Variants in ZNF92 observed in about 807,000 individuals in gnomAD.
The protein encoded by ZNF92 is epididymis luminal protein 203.
ZNF92 carries 11 observed loss-of-function variants against 12.4 expected under a neutral mutation model. The observed-to-expected ratio is 0.89, with a 90% CI of 0.56 to 1.47. ZNF92 has a LOEUF of 1.47. Among genes scored for constraint, ZNF92 ranks in the 40% most tolerant of loss-of-function variants. The pLI, the probability that ZNF92 is intolerant of heterozygous loss-of-function variation, is 0.00. For synonymous variants in ZNF92, 206 were observed against 228.6 expected (o/e 0.90, Z 0.89); for missense variants, 622 against 681.0 (o/e 0.91, Z 0.96).
At position 65,398,931 on chromosome 7, in the gene ZNF92, A is replaced by C. The variant is rs755015455; in HGVS notation, c.817A>C (p.Thr273Pro). Residue 273 changes from threonine to proline, a missense_variant, in exon 4 of 4, where the codon ACT becomes CCT. Physicochemically the swap from Thr to Pro is conservative, Grantham distance 38 (BLOSUM62 -1). Transcript: ENST00000328747. ...GKAFNRSSTL[T>P]KHKRIHTEEK... ...AGCTTTTAACCGGTCCTCAACCCTT[A>C]CTAAACATAAAAGAATTCATACAGA... 1 of 1,613,454 alleles carries C rather than the reference A, an allele frequency of 6.2e-7. No homozygotes were observed. The highest frequency in any genetic ancestry group is 8.5e-7 in the Non-Finnish European group (1 of 1,179,780).
intron 1 of ZNF92, among the ~76,000 whole-genome samples, chr7:65,376,008 G>A (rs1793227013): frequency 6.6e-6 from 1 of 151,568 alleles, no homozygotes; most frequent in South Asian, 2.1e-4. Flanking sequence ...TGCCTTCTGG[G>A]TTCAAGAGAT....
At chr7:65,393,511 A>G (rs2116391581) in intron 3 of ZNF92, among the ~76,000 whole-genome samples, 1 of 152,262 alleles carries the variant, frequency 6.6e-6, no homozygotes, top group African/African-American at 2.4e-5. Flanking sequence ...CATAGTTTGG[A>G]TATAGATTCA....
chr7:65,388,962 C>A lies in ZNF92; in HGVS notation c.226+61C>A, dbSNP rs1351017124. 9 of 1,395,864 alleles carry A rather than the reference C, an allele frequency of 6.4e-6. No individual in the cohort carries two copies. In the South Asian group the frequency reaches 8.2e-5, roughly 13 times the overall value. 86.5% of individuals were successfully genotyped at this position (1,395,864 alleles called of 1,614,324 possible). ...AGAGGTCCAAAAGTCAAGGAGAAGG[C>A]CAGTCATTTTTTCTTAGTCGGAGTT... On this transcript the variant is annotated intron_variant, in intron 3 of 3. Coordinates refer to ENST00000328747, the MANE Select transcript of ZNF92 (RefSeq NM_152626.4).
intron 1 of ZNF92, among the ~76,000 whole-genome samples, chr7:65,376,333 G>A (rs1045884230): frequency 3.9e-5 from 6 of 152,036 alleles, no homozygotes; most frequent in African/African-American, 1.4e-4. Context: ...ATTTACAAAG[G>A]GCATAAAAGA....
intron 1 of ZNF92, among the ~76,000 whole-genome samples, chr7:65,385,848 A>C (rs1793546392): frequency 6.6e-6 from 1 of 151,894 alleles, no homozygotes; most frequent in African/African-American, 2.4e-5. Flanking sequence ...AAGAGGAAAA[A>C]ATGGCTATTT....
rs1195167112 is a variant in ZNF92 at position 65,399,132 on chromosome 7, C to T, written c.1018C>T (p.Pro340Ser). 6.2e-7 allele frequency: 1 copy of T among 1,612,544 alleles called. No individual in the cohort carries two copies. Among genetic ancestry groups the T allele is most frequent in the Non-Finnish European group, 8.5e-7 (1 of 1,179,438 alleles). Residue 340 changes from proline to serine, a missense_variant, in exon 4 of 4, where the codon CCA becomes TCA. By Grantham distance (74) the Pro-to-Ser change is moderately conservative. Coordinates refer to ENST00000328747, the MANE Select transcript of ZNF92 (RefSeq NM_152626.4). ...TAAGATAATCCATACTGGGGAAAAA[C>T]CATACAAATGTGAAGAATGTGGCAA... ...KHKIIHTGEK[P>S]YKCEECGKAF...
intron 3 of ZNF92, among the ~76,000 whole-genome samples, chr7:65,394,514 A>G (rs1192604963): frequency 6.6e-6 from 1 of 152,032 alleles, no homozygotes; most frequent in Non-Finnish European, 1.5e-5. Flanking sequence ...GGGTGTTTGG[A>G]TAGTTATAGA....
intron 3 of ZNF92, among the ~76,000 whole-genome samples, chr7:65,390,933 A>T (rs62469476): frequency 0.037 from 5,642 of 152,152 alleles, 183 homozygotes; most frequent in East Asian, 0.15. Context: ...GAAGTTTGGG[A>T]TGGTTGCAGA....
intron 1 of ZNF92, among the ~76,000 whole-genome samples, chr7:65,379,321 A>G (rs1793339300): frequency 6.6e-6 from 1 of 152,100 alleles, no homozygotes; most frequent in Non-Finnish European, 1.5e-5. Flanking sequence ...TCACCAATCT[A>G]CAGATCTGGG....
chr7:65,387,565 A>G (rs1323815461), intron 1 of ZNF92, among the ~76,000 whole-genome samples: 1 of 152,128 alleles, frequency 6.6e-6, no homozygotes, highest in Admixed American at 6.6e-5. Context: ...AAAATTTGAG[A>G]GGTCACTTCT....
At chr7:65,383,463 A>AT (rs923878064) in intron 1 of ZNF92, among the ~76,000 whole-genome samples, 10 of 152,238 alleles carry the variant, frequency 6.6e-5, no homozygotes, top group African/African-American at 2.2e-4. Flanking sequence ...CATTCTCTGC[A>AT]TTGTGAGATG....
Position 65,373,932 on chromosome 7 carries a change from A to G in ZNF92, c.-66A>G. On this transcript the variant is annotated 5_prime_UTR_variant, in exon 1 of 4. Coordinates refer to ENST00000328747, the MANE Select transcript of ZNF92 (RefSeq NM_152626.4). ...GTGCTGATAAAGGCTCGCCGCTGTGACCCTGTTACCTGCAAGAACTTGGAG... is the reference window on the plus strand; with the variant it reads ...GTGCTGATAAAGGCTCGCCGCTGTGGCCCTGTTACCTGCAAGAACTTGGAG... 6.2e-7 allele frequency: 1 copy of G among 1,611,178 alleles called. No individual in the cohort carries two copies. Among genetic ancestry groups the G allele is most frequent in the Non-Finnish European group, 8.5e-7 (1 of 1,177,460 alleles).
Position 65,399,698 on chromosome 7 carries a change from G to C in ZNF92, c.1584G>C (p.Lys528Asn), listed in dbSNP as rs146394006. 1.2e-6 allele frequency: 2 copies of C among 1,613,014 alleles called. No individual in the cohort carries two copies. The highest frequency in any genetic ancestry group is 2.7e-5 in the African/African-American group (2 of 74,842). Residue 528 changes from lysine to asparagine, a missense_variant, in exon 4 of 4, where the codon AAG becomes AAC. Physicochemically the swap from Lys to Asn is moderately conservative, Grantham distance 94. Transcript: ENST00000328747. ...AGTCCTCAAACCTTACTGCACGTAA[G>C]ATAATTTATACTGGAGAGAAACCCT... ...FNQSSNLTARKIIYTGEKPYK... is the reference protein window; with the variant it reads ...FNQSSNLTARNIIYTGEKPYK...
At chr7:65,374,140 C>A in intron 1 of ZNF92, 140 bp downstream of exon 1, 1 of 1,194,396 alleles carries the variant, frequency 8.4e-7, no homozygotes, top group South Asian at 1.4e-5. Flanking sequence ...GCAGCTCGGC[C>A]CTCAGTCTCC....
intron 3 of ZNF92, among the ~76,000 whole-genome samples, chr7:65,389,870 T>C (rs1793665643): frequency 6.6e-6 from 1 of 151,892 alleles, no homozygotes; most frequent in Non-Finnish European, 1.5e-5. Flanking sequence ...CTTACTCTGC[T>C]GCCCAGGCTG....
chr7:65,376,334 G>A (rs1331203893), intron 1 of ZNF92, among the ~76,000 whole-genome samples: 1 of 152,064 alleles, frequency 6.6e-6, no homozygotes, highest in Non-Finnish European at 1.5e-5. Context: ...TTTACAAAGG[G>A]CATAAAAGAG....
intron 2 of ZNF92, 96 bp from the exon 3 acceptor site, chr7:65,388,710 A>G: frequency 1.1e-6 from 1 of 915,694 alleles, no homozygotes; most frequent in Non-Finnish European, 1.6e-6. Context: ...TTAATTTACT[A>G]GATTAATCTA....
intron 1 of ZNF92, among the ~76,000 whole-genome samples, chr7:65,381,263 T>G (rs4644122): frequency 0.27 from 40,313 of 151,906 alleles, 6,832 homozygotes; most frequent in African/African-American, 0.45. Context: ...TCCACCCACC[T>G]TGGCCTCCCA....
rs999654521 is a variant in ZNF92, at chr7:65,383,882, A to G, written c.4-4020A>G. ...ACTGAGAACCCTCTCACAATCACCT[A>G]GGCATCTTTGAAACATTTGAGGATG... On this transcript the variant is annotated intron_variant, in intron 1 of 3. Transcript: ENST00000328747. Among the ~76,000 whole-genome samples the G allele has an allele frequency of 4.6e-5, 7 of 152,090 alleles. 1 individual carries two copies. Among genetic ancestry groups the G allele is most frequent in the African/African-American group, 1.7e-4 (7 of 41,416 alleles).
Sources: gnomAD v4.1 joint callset for allele counts (sites outside exome capture counted in the v4.1 genomes callset) on GRCh38, gnomAD v4.1.1 for gene constraint, MANE v1.5 for transcripts, NCBI Gene and HGNC (gene_info 2026-07-23, HGNC 2026-07-21) for gene names.